Variants in CFL2 observed in about 807,000 individuals in gnomAD.
CFL2 encodes cofilin 2, also known as cofilin-2.
In CFL2, 10 loss-of-function variants were observed where a neutral mutation model predicts 19.6. The ratio of observed to expected loss-of-function variants is 0.51; its 90% CI spans 0.31 to 0.86. The LOEUF (loss-of-function observed/expected upper bound fraction) is 0.86, where lower values mean the gene tolerates loss of function less well. Ranked by LOEUF, CFL2 falls within the 40% of genes least tolerant of loss-of-function variation. The probability of loss-of-function intolerance (pLI) is 0.04; values close to 1 mark genes in which losing one functional copy is unlikely to be tolerated. For synonymous variants in CFL2, 63 were observed against 66.7 expected (o/e 0.95, Z 0.27); for missense variants, 125 against 192.1 (o/e 0.65, Z 2.06).
chr14:34,714,337 GC>G, intron 1 of CFL2, 200 bp downstream of exon 1: 1 of 705,266 alleles, frequency 1.4e-6, no homozygotes. Flanking sequence ...GGCCCTCCCC[GC>G]CCCCCAAAAT....
rs1937825796 is a variant in CFL2 at position 34,710,257 on chromosome 14, T to A, written c.*2608A>T. ...CACATGCCAACTGTTCCCATTTGTCTGAAAATGCTAAAATTAATTGCTGTA... is the reference window on the plus strand; with the variant it reads ...CACATGCCAACTGTTCCCATTTGTCAGAAAATGCTAAAATTAATTGCTGTA... On this transcript the variant is annotated 3_prime_UTR_variant, in exon 4 of 4. Transcript: ENST00000298159. The A allele has an allele frequency of 8.8e-6, 2 of 228,484 alleles. No individual in the cohort carries two copies. 14.2% of individuals were successfully genotyped at this position (228,484 alleles called of 1,614,324 possible).
chr14:34,710,008 T>C lies in CFL2; in HGVS notation c.*2857A>G, dbSNP rs1251688961. 6.6e-6 allele frequency: 1 copy of C among 152,632 alleles called. No individual in the cohort carries two copies. Among genetic ancestry groups the C allele is most frequent in the Non-Finnish European group, 1.5e-5 (1 of 68,358 alleles). The allele number at this position is 152,632 out of a possible 1,614,324, so 9.5% of individuals were successfully genotyped here. A position where few individuals can be genotyped will look rare whatever the true frequency, so the allele number is the denominator to read the frequency against. ...TCAACCTCTTGATGATTTACCATTGTTGAGATTATTCCTTAACAAGAAAAC... is the reference window on the plus strand; with the variant it reads ...TCAACCTCTTGATGATTTACCATTGCTGAGATTATTCCTTAACAAGAAAAC... On this transcript the variant is annotated 3_prime_UTR_variant, in exon 4 of 4. Coordinates refer to ENST00000298159, the MANE Select transcript of CFL2 (RefSeq NM_138638.5).
intron 1 of CFL2, 199 bp from the exon 2 acceptor site, chr14:34,713,760 CCTT>C (rs1885401475): frequency 6.2e-7 from 1 of 1,611,792 alleles, no homozygotes; most frequent in South Asian, 1.1e-5. Context: ...GCCCATTCAT[CCTT>C]CTTAAAGGGG....
rs900782936 is a variant in CFL2 at position 34,712,221 on chromosome 14, C to T, written c.*644G>A. ...GTACACTCAATGGAAAACAAAAAGG[C>T]ATTAATAACAGCTATTTCTTTTAAG... On this transcript the variant is annotated 3_prime_UTR_variant, in exon 4 of 4. Transcript: ENST00000298159. 2.2e-6 allele frequency: 1 copy of T among 454,350 alleles called. No homozygotes were observed. The highest frequency in any genetic ancestry group is 4.4e-6 in the Non-Finnish European group (1 of 226,772). The allele number at this position is 454,350 out of a possible 1,614,324, so 28.1% of individuals were successfully genotyped here.
chr14:34,710,913 ATATG>A lies in CFL2; in HGVS notation c.*1948_*1951del. On this transcript the variant is annotated 3_prime_UTR_variant, in exon 4 of 4. Coordinates refer to ENST00000298159, the MANE Select transcript of CFL2 (RefSeq NM_138638.5). ...CCATGGTGCCAAGTATCAGTTACACATATGGTTAAGTATACGTCAGTATTCTCTG... is the reference window on the plus strand; with the variant it reads ...CCATGGTGCCAAGTATCAGTTACACAGTTAAGTATACGTCAGTATTCTCTG... 1 of 454,132 alleles carries A rather than the reference ATATG, an allele frequency of 2.2e-6. No homozygotes were observed. Among genetic ancestry groups the A allele is most frequent in the South Asian group, 1.6e-5 (1 of 64,480 alleles). 28.1% of individuals were successfully genotyped at this position (454,132 alleles called of 1,614,324 possible).
intron 1 of CFL2, 76 bp from the exon 2 acceptor site, chr14:34,713,637 A>C (rs1566525607): frequency 2.5e-6 from 4 of 1,613,746 alleles, no homozygotes; most frequent in Non-Finnish European, 3.4e-6. Context: ...CCTAGAGAAG[A>C]CTCACTTTAG....
intron 1 of CFL2, 79 bp from the exon 2 acceptor site, chr14:34,713,640 C>G (rs925497727): frequency 6.2e-7 from 1 of 1,613,892 alleles, no homozygotes; most frequent in African/African-American, 1.3e-5. Context: ...AGAGAAGACT[C>G]ACTTTAGTCT....
chr14:34,713,238 T>A lies in CFL2; in HGVS notation c.311+16A>T, dbSNP rs891173756. ...CTTGCATTTTAAAAGTACTTTTTTC[T>A]TTTGTTTTTACACACCAGAATATAA... On this transcript the variant is annotated intron_variant, in intron 2 of 3. Transcript: ENST00000298159. The A allele has an allele frequency of 1.9e-6, 3 of 1,606,848 alleles. No homozygotes were observed. Among genetic ancestry groups the A allele is most frequent in the African/African-American group, 2.7e-5 (2 of 74,582 alleles).
chr14:34,713,480 TCTC>T lies in CFL2; in HGVS notation c.82_84del (p.Glu28del), dbSNP rs763411916. ...AGAACTGCTTTCTTTCTCTTTTTGA[TCTC>T]CTCTTGTGTAGAAGATTTCCTTACT... is the stretch of plus-strand genomic sequence containing the variant. On this transcript the variant is annotated inframe_deletion, in exon 2 of 4. Coordinates refer to ENST00000298159, the MANE Select transcript of CFL2 (RefSeq NM_138638.5). 4 of 1,614,080 alleles carry T rather than the reference TCTC, an allele frequency of 2.5e-6. No individual in the cohort carries two copies. The highest frequency in any genetic ancestry group is 1.7e-5 in the Admixed American group (1 of 60,028).
rs1450860019 is a variant in CFL2, at chr14:34,710,110, G to GA, written c.*2754dup. 1 of 153,980 alleles carries GA rather than the reference G, an allele frequency of 6.5e-6. No individual in the cohort carries two copies. The highest frequency in any genetic ancestry group is 1.9e-4 in the East Asian group (1 of 5,242). 9.5% of individuals were successfully genotyped at this position (153,980 alleles called of 1,614,324 possible). On this transcript the variant is annotated 3_prime_UTR_variant, in exon 4 of 4. Coordinates refer to ENST00000298159, the MANE Select transcript of CFL2 (RefSeq NM_138638.5). ...GCTGCTACAAATGTTCTGTATCAGAGAAACTCAAACCCAGTAAGAGGCTTC... is the reference window on the plus strand; with the variant it reads ...GCTGCTACAAATGTTCTGTATCAGAGAAAACTCAAACCCAGTAAGAGGCTTC...
Position 34,711,776 on chromosome 14 carries a change from A to G in CFL2, c.*1089T>C, listed in dbSNP as rs1427763054. 1.3e-5 allele frequency: 6 copies of G among 446,056 alleles called. No homozygotes were observed. Among genetic ancestry groups the G allele is most frequent in the Admixed American group, 1.2e-4 (5 of 40,364 alleles). The allele number at this position is 446,056 out of a possible 1,614,324, so 27.6% of individuals were successfully genotyped here. ...ATATTAACACATAGGAAATAAATAC[A>G]CTAATGTTTATAAAAGTACCATTCT... is the stretch of plus-strand genomic sequence containing the variant. On this transcript the variant is annotated 3_prime_UTR_variant, in exon 4 of 4. Coordinates refer to ENST00000298159, the MANE Select transcript of CFL2 (RefSeq NM_138638.5).
At chr14:34,714,514 T>A in intron 1 of CFL2, 24 bp downstream of exon 1, 3 of 1,574,766 alleles carry the variant, frequency 1.9e-6, no homozygotes, top group Non-Finnish European at 2.6e-6. Context: ...CGCCGCGGCC[T>A]CCCGGCCAGC....
rs369723102 is a variant in CFL2, at chr14:34,710,840, T to C, written c.*2025A>G. The C allele has an allele frequency of 5.3e-5, 24 of 454,036 alleles. 2 individuals are homozygous for C. The highest frequency in any genetic ancestry group is 3.1e-4 in the South Asian group (20 of 64,438). The allele number at this position is 454,036 out of a possible 1,614,324, so 28.1% of individuals were successfully genotyped here. On this transcript the variant is annotated 3_prime_UTR_variant, in exon 4 of 4. Coordinates refer to ENST00000298159, the MANE Select transcript of CFL2 (RefSeq NM_138638.5). ...CAAAAGATACTACATAACTGATTTA[T>C]AGTCCCTTATTTTTTAAAAGAATGA... is the stretch of plus-strand genomic sequence containing the variant.
In CFL2 at chr14:34,712,961, C is replaced by T. The variant is rs1478126673; in HGVS notation, c.405G>A (p.Trp135Ter). 1.9e-6 allele frequency: 3 copies of T among 1,606,924 alleles called. No individual in the cohort carries two copies. The highest frequency in any genetic ancestry group is 1.7e-5 in the Admixed American group (1 of 59,994). The part of the protein sequence containing the change: ...KKKFTGIKHE[W>*]QVNGLDDIKD... The stretch of plus-strand genomic sequence containing the variant: ...TAATATCATCCAAGCCATTTACTTG[C>T]CACTCATGTTTAATACCTAAAAAGA... Residue 135 changes from tryptophan (W) to a stop codon, truncating the protein, a stop_gained, in exon 4 of 4, where the codon TGG becomes TGA. Coordinates refer to ENST00000298159, the MANE Select transcript of CFL2 (RefSeq NM_138638.5). LOFTEE classifies it high-confidence loss of function.
intron 1 of CFL2, 90 bp downstream of exon 1, chr14:34,714,448 A>G: frequency 6.7e-7 from 1 of 1,488,470 alleles, no homozygotes; most frequent in Non-Finnish European, 9.0e-7. Flanking sequence ...GGAGGCCAAA[A>G]TCAGGTTAAA....
In CFL2 at chr14:34,712,775, C is replaced by T; in HGVS notation, c.*90G>A. 1 of 803,320 alleles carries T rather than the reference C, an allele frequency of 1.2e-6. No individual in the cohort carries two copies. Among genetic ancestry groups the T allele is most frequent in the Non-Finnish European group, 2.3e-6 (1 of 443,718 alleles). 49.8% of individuals were successfully genotyped at this position (803,320 alleles called of 1,614,324 possible). A position where few individuals can be genotyped will look rare whatever the true frequency, so the allele number is the denominator to read the frequency against. ...AGGGCCCAGTGGAAAGGGGGAAATA[C>T]AACAAAAAACCAAAACCTAATACTA... is the stretch of plus-strand genomic sequence containing the variant. On this transcript the variant is annotated 3_prime_UTR_variant, in exon 4 of 4. Coordinates refer to ENST00000298159, the MANE Select transcript of CFL2 (RefSeq NM_138638.5).
At chr14:34,714,312 C>G (rs1244164586) in intron 1 of CFL2, 1 of 642,268 alleles carries the variant, frequency 1.6e-6, no homozygotes, top group Non-Finnish European at 2.3e-6. Flanking sequence ...GACCCCCAAC[C>G]TGCGCCGACG....
In CFL2 at chr14:34,711,596, C is replaced by T. The variant is rs566591372; in HGVS notation, c.*1269G>A. 5.7e-5 allele frequency: 26 copies of T among 453,678 alleles called. No individual in the cohort carries two copies. Among genetic ancestry groups the T allele is most frequent in the East Asian group, 3.5e-4 (5 of 14,398 alleles). 28.1% of individuals were successfully genotyped at this position (453,678 alleles called of 1,614,324 possible). ...GACATTTTACAAATTATTTTCATTA[C>T]GACCAAATAAGCAATAAGAGCTTCC... On this transcript the variant is annotated 3_prime_UTR_variant, in exon 4 of 4. Coordinates refer to ENST00000298159, the MANE Select transcript of CFL2 (RefSeq NM_138638.5).
rs765635566 is a variant in CFL2, at chr14:34,710,456, ATATTT to A, written c.*2404_*2408del. 58 of 423,830 alleles carry A rather than the reference ATATTT, an allele frequency of 1.4e-4. No homozygotes were observed. The highest frequency in any genetic ancestry group is 2.4e-4 in the Non-Finnish European group (53 of 216,768). 26.3% of individuals were successfully genotyped at this position (423,830 alleles called of 1,614,324 possible). A position where few individuals can be genotyped will look rare whatever the true frequency, so the allele number is the denominator to read the frequency against. On this transcript the variant is annotated 3_prime_UTR_variant, in exon 4 of 4. Coordinates refer to ENST00000298159, the MANE Select transcript of CFL2 (RefSeq NM_138638.5). ...TCTCAACAGCTTTACATATTTTCAT[ATATTT>A]TATTTTTTAAACTCTCATAACTTTG...
Sources: gnomAD v4.1 joint callset for allele counts on GRCh38, gnomAD v4.1.1 for gene constraint, MANE v1.5 for transcripts, NCBI Gene and HGNC (gene_info 2026-07-23, HGNC 2026-07-21) for gene names.